Variants in KLF17 observed in about 807,000 individuals in gnomAD.
The protein encoded by KLF17 is KLF transcription factor 17.
KLF17 carries 31 observed loss-of-function variants against 34.2 expected under a neutral mutation model. The observed-to-expected ratio is 0.91, with a 90% confidence interval of 0.68 to 1.22. The LOEUF (loss-of-function observed/expected upper bound fraction) is 1.22. Among genes scored for constraint, KLF17 ranks in the 50% most tolerant of loss-of-function variants. KLF17 has a pLI of 0.00. For missense variants in KLF17, 478 were observed against 505.2 expected (o/e 0.95, Z 0.52); for synonymous variants, 179 against 186.7 (o/e 0.96, Z 0.34).
upstream of KLF17, chr1:44,115,459 A>ACC (rs2087870956): frequency 1.3e-5 from 2 of 151,140 alleles, no homozygotes; most frequent in South Asian, 4.2e-4. Flanking sequence ...TCAAAAAAAA[A>ACC]AAAAAAAAAA....
chr1:44,114,126 A>G (rs1571979198), upstream of KLF17: 3 of 152,494 alleles, frequency 2.0e-5, 1 homozygote, highest in Middle Eastern at 0.01. Context: ...GCTCCAAATT[A>G]AAAGGCTGAA....
the KLF17 span, among the ~76,000 whole-genome samples, chr1:44,089,293 A>C: frequency 6.6e-6 from 1 of 152,162 alleles, no homozygotes; most frequent in African/African-American, 2.4e-5. Flanking sequence ...GTAGGGATCA[A>C]CTCTTGTGAA....
chr1:44,082,245 A>G, the KLF17 span, among the ~76,000 whole-genome samples: 1 of 152,264 alleles, frequency 6.6e-6, no homozygotes, highest in Non-Finnish European at 1.5e-5. Context: ...GTAATTGAGC[A>G]ACTGAATAGC....
the KLF17 span, among the ~76,000 whole-genome samples, chr1:44,109,722 A>G: frequency 1.3e-5 from 2 of 152,098 alleles, no homozygotes; most frequent in African/African-American, 2.4e-5. Flanking sequence ...AACTTTATCA[A>G]TCACCCTCTT....
At position 44,134,978 on chromosome 1, in the gene KLF17, G is replaced by T. The variant is rs1419374003; in HGVS notation, c.*1741G>T. ...CTATCATACCTGCAAAAAATATTTT[G>T]TATATATCCAATTTAATAATAAATG... On this transcript the variant is annotated 3_prime_UTR_variant, in exon 4 of 4. Transcript: ENST00000372299. 1 of 151,760 alleles carries T rather than the reference G, an allele frequency of 6.6e-6. No individual in the cohort carries two copies. Among genetic ancestry groups the T allele is most frequent in the African/African-American group, 2.4e-5 (1 of 41,294 alleles). The allele number at this position is 151,760 out of a possible 1,614,324, so 9.4% of individuals were successfully genotyped here.
chr1:44,105,700 CTT>C, the KLF17 span, among the ~76,000 whole-genome samples: 2 of 151,938 alleles, frequency 1.3e-5, no homozygotes, highest in Non-Finnish European at 2.9e-5. Flanking sequence ...AACAATGCTT[CTT>C]AAACTTTAGT....
upstream of KLF17, among the ~76,000 whole-genome samples, chr1:44,118,300 A>C (rs1338788228): frequency 1.3e-5 from 2 of 152,210 alleles, no homozygotes; most frequent in African/African-American, 4.8e-5. Flanking sequence ...CCCAACACAC[A>C]CGGGGCACTC....
the KLF17 span, among the ~76,000 whole-genome samples, chr1:44,050,168 G>A: frequency 5.3e-5 from 8 of 152,318 alleles, no homozygotes; most frequent in East Asian, 5.8e-4. Flanking sequence ...TGTGAGTTCA[G>A]CAATGATAAA....
the KLF17 span, among the ~76,000 whole-genome samples, chr1:44,108,423 T>C: frequency 6.6e-6 from 1 of 152,178 alleles, no homozygotes; most frequent in Non-Finnish European, 1.5e-5. Context: ...TTGTGAGTCA[T>C]CTAACTTGTA....
At position 44,118,867 on chromosome 1, in the gene KLF17, C is replaced by T. The variant is rs780855219; in HGVS notation, c.-41C>T. 5.3e-6 allele frequency: 8 copies of T among 1,517,446 alleles called. No homozygotes were observed. The East Asian group carries it at 7.4e-5, about 14-fold the overall frequency. The allele number at this position is 1,517,446 out of a possible 1,614,324, so 94.0% of individuals were successfully genotyped here. A position where few individuals can be genotyped will look rare whatever the true frequency, so the allele number is the denominator to read the frequency against. On this transcript the variant is annotated 5_prime_UTR_variant, in exon 1 of 4. Transcript: ENST00000372299. ...CCTGCGACGCCGTGGTGGCTGGTTC[C>T]CTGTCTCTTCAGTAGAGAGTCTAGA...
rs1162259026 is a variant in KLF17, at chr1:44,118,850, G to A, written c.-58G>A. 4 of 1,373,152 alleles carry A rather than the reference G, an allele frequency of 2.9e-6. No individual in the cohort carries two copies. The highest frequency in any genetic ancestry group is 4.0e-6 in the Non-Finnish European group (4 of 1,011,690). The allele number at this position is 1,373,152 out of a possible 1,614,324, so 85.1% of individuals were successfully genotyped here. Reference sequence around the variant, plus strand: ...CGATGTACCGATACCCGCCTGCGACGCCGTGGTGGCTGGTTCCCTGTCTCT... The same window carrying A: ...CGATGTACCGATACCCGCCTGCGACACCGTGGTGGCTGGTTCCCTGTCTCT... On this transcript the variant is annotated 5_prime_UTR_variant, in exon 1 of 4. Transcript: ENST00000372299.
chr1:44,094,578 C>A, the KLF17 span, among the ~76,000 whole-genome samples: 1 of 152,194 alleles, frequency 6.6e-6, no homozygotes, highest in African/African-American at 2.4e-5. Flanking sequence ...TTTTCCCCAG[C>A]ACCATTTATT....
At chr1:44,056,602 T>C in the KLF17 span, among the ~76,000 whole-genome samples, 101,683 of 152,030 alleles carry the variant, frequency 0.67, 34,089 homozygotes, top group Admixed American at 0.73. Flanking sequence ...GACTCCCTAA[T>C]TTAGAAAAAA....
At chr1:44,047,233 G>A in the KLF17 span, among the ~76,000 whole-genome samples, 1 of 152,106 alleles carries the variant, frequency 6.6e-6, no homozygotes, top group Non-Finnish European at 1.5e-5. Flanking sequence ...CTTTGCAAAG[G>A]GTTGCCCATT....
the KLF17 span, among the ~76,000 whole-genome samples, chr1:44,100,947 G>A: frequency 6.6e-6 from 1 of 152,252 alleles, no homozygotes; most frequent in East Asian, 1.9e-4. Context: ...AAATTGAATA[G>A]TTGCAAAGAA....
chr1:44,129,702 C>T lies in KLF17; in HGVS notation c.431C>T (p.Ala144Val). The change falls in exon 2 of 4, where the codon GCC becomes GTC. Residue 144 changes from alanine (A) to valine (V), a missense_variant. Physicochemically the swap from Ala to Val is moderately conservative, Grantham distance 64. Transcript: ENST00000372299. ...GGAGAGCCCAATATTCCAAGGGTAG[C>T]CAGGCCCTTCGGTGGGAATCTAAGG... ...PVGEPNIPRV[A>V]RPFGGNLRMP... is the part of the protein sequence containing the mutation. 6.2e-7 allele frequency: 1 copy of T among 1,614,186 alleles called. No individual in the cohort carries two copies. Among genetic ancestry groups the T allele is most frequent in the Non-Finnish European group, 8.5e-7 (1 of 1,180,024 alleles).
At chr1:44,102,964 T>A in the KLF17 span, among the ~76,000 whole-genome samples, 2 of 152,084 alleles carry the variant, frequency 1.3e-5, no homozygotes, top group Non-Finnish European at 2.9e-5. Context: ...ATGAGAAAAA[T>A]AATTTGAGCT....
chr1:44,045,937 A>C, the KLF17 span: 1 of 152,098 alleles, frequency 6.6e-6, no homozygotes, highest in East Asian at 1.9e-4. Flanking sequence ...CAATGTTGTC[A>C]CTAGGTAGTG....
chr1:44,123,573 T>A (rs192257172), intron 1 of KLF17, among the ~76,000 whole-genome samples: 4 of 152,282 alleles, frequency 2.6e-5, no homozygotes, highest in African/African-American at 4.8e-5. Context: ...GAACTTTTAG[T>A]TTCATTGATT....
Sources: gnomAD v4.1 joint callset for allele counts (sites outside exome capture counted in the v4.1 genomes callset) on GRCh38, gnomAD v4.1.1 for gene constraint, MANE v1.5 for transcripts, NCBI Gene and HGNC (gene_info 2026-07-23, HGNC 2026-07-21) for gene names.